PCDHA8: variants seen among roughly 807,000 people sequenced by gnomAD.
The protein encoded by PCDHA8 is protocadherin alpha 8, also known as protocadherin alpha-8.
In PCDHA8, 53 loss-of-function variants were observed where a neutral mutation model predicts 61.8. That is an observed-to-expected ratio of 0.86 (90% confidence interval 0.69 to 1.08). PCDHA8 has a LOEUF of 1.08. PCDHA8 is among the 50% of genes least tolerant of loss of function. PCDHA8 has a pLI of 0.00. For missense variants in PCDHA8, 1,293 were observed against 1,245.0 expected (o/e 1.04, Z -0.58); for synonymous variants, 618 against 556.6 (o/e 1.11, Z -1.55).
At chr5:140,948,942 T>TA (rs34363674) in intron 1 of PCDHA8, among the ~76,000 whole-genome samples, 48,005 of 151,444 alleles carry the variant, frequency 0.32, 7,947 homozygotes, top group East Asian at 0.53. Flanking sequence ...TCTTCTAATA[T>TA]AAAAAAATTA....
At chr5:140,948,679 A>C (rs1318286539) in intron 1 of PCDHA8, among the ~76,000 whole-genome samples, 1 of 151,394 alleles carries the variant, frequency 6.6e-6, no homozygotes, top group Admixed American at 6.6e-5. Context: ...CATCTTTTTC[A>C]TTTTTGATAT....
chr5:140,869,793 C>A (rs782122541), intron 1 of PCDHA8: 44 of 1,612,682 alleles, frequency 2.7e-5, no homozygotes, highest in Non-Finnish European at 3.7e-5. Context: ...GGCTGTTAGT[C>A]CAAGTCTTGG....
intron 1 of PCDHA8, among the ~76,000 whole-genome samples, chr5:140,975,853 C>T (rs1419464318): frequency 6.6e-6 from 1 of 152,126 alleles, no homozygotes; most frequent in African/African-American, 2.4e-5. Context: ...AATACTACAT[C>T]ACCCATATGG....
chr5:140,877,511 C>T (rs1582389090), intron 1 of PCDHA8: 2 of 1,613,808 alleles, frequency 1.2e-6, no homozygotes, highest in Non-Finnish European at 1.7e-6. Context: ...AAGACGTCGT[C>T]GCGGGCCTCA....
chr5:140,951,841 AAAAGTCC>A (rs1266500275), intron 1 of PCDHA8, among the ~76,000 whole-genome samples: 1 of 152,182 alleles, frequency 6.6e-6, no homozygotes, highest in African/African-American at 2.4e-5. Context: ...GCATTAAGCC[AAAAGTCC>A]AAAGTCCAAA....
chr5:140,982,254 T>C (rs1275431812), intron 2 of PCDHA8: 9 of 774,802 alleles, frequency 1.2e-5, no homozygotes, highest in Non-Finnish European at 1.5e-5. Flanking sequence ...AGATAGAACA[T>C]GTGTGTTCCT....
chr5:140,954,470 G>T (rs999752135), intron 1 of PCDHA8, among the ~76,000 whole-genome samples: 2 of 152,150 alleles, frequency 1.3e-5, no homozygotes, highest in Non-Finnish European at 2.9e-5. Flanking sequence ...ATTCTGACTG[G>T]TGTGAGAAGA....
intron 3 of PCDHA8, among the ~76,000 whole-genome samples, chr5:140,992,102 G>A (rs1205417295): frequency 6.6e-6 from 1 of 150,914 alleles, no homozygotes; most frequent in Non-Finnish European, 1.5e-5. Context: ...AGAGAATTAA[G>A]GTGAGATGTG....
At position 141,010,632 on chromosome 5, in the gene PCDHA8, A is replaced by G. The variant is rs782191972; in HGVS notation, c.*695A>G. The G allele has an allele frequency of 1.6e-5, 3 of 185,902 alleles. No individual in the cohort carries two copies. Among genetic ancestry groups the G allele is most frequent in the Non-Finnish European group, 3.4e-5 (3 of 88,214 alleles). The allele number at this position is 185,902 out of a possible 1,614,324, so 11.5% of individuals were successfully genotyped here. On this transcript the variant is annotated 3_prime_UTR_variant, in exon 4 of 4. Coordinates refer to ENST00000531613, the MANE Select transcript of PCDHA8 (RefSeq NM_018911.3). ...ACCTAAAATCTGCATCATACCTGCAAGCCAACAGTTCAGTGTTTTAACAGA... is the reference window on the plus strand; with the variant it reads ...ACCTAAAATCTGCATCATACCTGCAGGCCAACAGTTCAGTGTTTTAACAGA...
In PCDHA8 at chr5:141,011,865, G is replaced by A. The variant is rs372303007; in HGVS notation, c.*1928G>A. Reference sequence around the variant, plus strand: ...TAAGACATTTTAATTTTGTTATAATGTACAATTTAGAAGTTTGATTAATTA... The same window carrying A: ...TAAGACATTTTAATTTTGTTATAATATACAATTTAGAAGTTTGATTAATTA... On this transcript the variant is annotated 3_prime_UTR_variant, in exon 4 of 4. Coordinates refer to ENST00000531613, the MANE Select transcript of PCDHA8 (RefSeq NM_018911.3). 40 of 153,574 alleles carry A rather than the reference G, an allele frequency of 2.6e-4. No individual in the cohort carries two copies. The highest frequency in any genetic ancestry group is 3.4e-3 in the Middle Eastern group (1 of 294). 9.5% of individuals were successfully genotyped at this position (153,574 alleles called of 1,614,324 possible).
chr5:140,908,490 G>T (rs149646315), intron 1 of PCDHA8, among the ~76,000 whole-genome samples: 3,582 of 152,250 alleles, frequency 0.024, 49 homozygotes, highest in Middle Eastern at 0.034. Flanking sequence ...GGCAGTTCAG[G>T]TTGCTTGGTG....
chr5:140,870,748 A>G lies in PCDHA8; in HGVS notation c.2394+27033A>G, dbSNP rs782462608. ...CGTGCCGCCTCTGAGCAGCAACGTG[A>G]CGCTGCAGGTGTTCGTGCTGGACGA... On this transcript the variant is annotated intron_variant, in intron 1 of 3. Transcript: ENST00000531613. The G allele has an allele frequency of 1.9e-6, 3 of 1,613,510 alleles. No individual in the cohort carries two copies. In the South Asian group the frequency reaches 3.3e-5, roughly 18 times the overall value.
Position 140,841,784 on chromosome 5 carries a change from G to C in PCDHA8, c.463G>C (p.Glu155Gln). The C allele has an allele frequency of 2.5e-6, 4 of 1,613,930 alleles. No homozygotes were observed. The highest frequency in any genetic ancestry group is 1.3e-5 in the African/African-American group (1 of 74,992). The change falls in exon 1 of 4, where the codon GAG becomes CAG. Residue 155 changes from glutamate (E) to glutamine (Q), a missense_variant. Glu to Gln is a conservative substitution (Grantham distance 29, BLOSUM62 2). Transcript: ENST00000531613. ...AATGCCAGACTCTCGGTTTCCGCTA[G>C]AGGGCGCGTCCGATGCAGATGTTGG... Reference protein sequence around the residue: ...SRMPDSRFPLEGASDADVGAN... With the variant: ...SRMPDSRFPLQGASDADVGAN...
At chr5:140,962,840 T>C (rs1554226297) in intron 1 of PCDHA8, among the ~76,000 whole-genome samples, 6 of 152,348 alleles carry the variant, frequency 3.9e-5, no homozygotes, top group African/African-American at 2.4e-5. Context: ...TTTTTTATTA[T>C]ATAACTTGTG....
At chr5:140,858,846 T>C (rs2045621304) in intron 1 of PCDHA8, 1 of 295,454 alleles carries the variant, frequency 3.4e-6, no homozygotes, top group Non-Finnish European at 6.4e-6. Flanking sequence ...ATTCCACTGA[T>C]CTATATCTCT....
chr5:140,887,101 C>CT (rs200717289), intron 1 of PCDHA8, among the ~76,000 whole-genome samples: 1,545 of 145,196 alleles, frequency 0.011, 15 homozygotes, highest in African/African-American at 0.022. Flanking sequence ...ATCTTTATCT[C>CT]TTTTTTTTTT....
chr5:140,931,215 CAG>C (rs2087377353), intron 1 of PCDHA8, among the ~76,000 whole-genome samples: 1 of 152,106 alleles, frequency 6.6e-6, no homozygotes, highest in East Asian at 1.9e-4. Flanking sequence ...TTTCAGGTAT[CAG>C]AGCACTTAAT....
chr5:140,997,971 G>A (rs2097791982), intron 3 of PCDHA8, among the ~76,000 whole-genome samples: 3 of 152,086 alleles, frequency 2.0e-5, no homozygotes, highest in Admixed American at 2.0e-4. Context: ...CCTGTGGTTG[G>A]ACTGCACTTG....
chr5:140,856,991 T>C, intron 1 of PCDHA8: 1 of 1,595,770 alleles, frequency 6.3e-7, no homozygotes, highest in Non-Finnish European at 8.6e-7. Flanking sequence ...CAGTAACACT[T>C]ATGAAATTCA....
Sources: gnomAD v4.1 joint callset for allele counts (sites outside exome capture counted in the v4.1 genomes callset) on GRCh38, gnomAD v4.1.1 for gene constraint, MANE v1.5 for transcripts, NCBI Gene and HGNC (gene_info 2026-07-23, HGNC 2026-07-21) for gene names.